The following OR6C74 variants were observed in gnomAD, a reference collection of about 807,000 sequenced individuals.
The protein encoded by OR6C74 is olfactory receptor 6C74.
For synonymous variants in OR6C74, 142 were observed against 134.2 expected (o/e 1.06, Z -0.40); for missense variants, 361 against 362.9 (o/e 0.99, Z 0.04).
Position 55,253,666 on chromosome 12 carries a change from G to T in OR6C74, c.*5440G>T, listed in dbSNP as rs1954324984. 6.6e-6 allele frequency among the ~76,000 whole-genome samples: 1 copy of T among 152,052 alleles called. No homozygotes were observed. Among genetic ancestry groups the T allele is most frequent in the Non-Finnish European group, 1.5e-5 (1 of 67,964 alleles). ...TTTATAGTCATTGTAATTAAGCTTAGCTCAGAAATGAGGTGGAATAACCTC... is the reference window on the plus strand; with the variant it reads ...TTTATAGTCATTGTAATTAAGCTTATCTCAGAAATGAGGTGGAATAACCTC... On this transcript the variant is annotated 3_prime_UTR_variant, in exon 2 of 2. Coordinates refer to ENST00000343399, the MANE Select transcript of OR6C74 (RefSeq NM_001005490.2).
Position 55,248,753 on chromosome 12 carries a change from G to T in OR6C74, c.*527G>T, listed in dbSNP as rs1452630503. 6.6e-6 allele frequency among the ~76,000 whole-genome samples: 1 copy of T among 152,144 alleles called. No homozygotes were observed. The highest frequency in any genetic ancestry group is 2.1e-4 in the South Asian group (1 of 4,818). On this transcript the variant is annotated 3_prime_UTR_variant, in exon 2 of 2. Transcript: ENST00000343399. ...CTTCAATTTTTTTTAACCAGGCTTA[G>T]AGATATAGTATACTCTCAGAAATAA... is the stretch of plus-strand genomic sequence containing the variant.
intron 1 of OR6C74, among the ~76,000 whole-genome samples, chr12:55,245,634 G>C (rs1054444333): frequency 6.6e-6 from 1 of 152,026 alleles, no homozygotes; most frequent in African/African-American, 2.4e-5. Context: ...GAAAATTAAT[G>C]CTGTCAAGTA....
Position 55,247,736 on chromosome 12 carries a change from G to T in OR6C74, c.449G>T (p.Gly150Val). The T allele has an allele frequency of 6.2e-7, 1 of 1,613,826 alleles. No homozygotes were observed. The highest frequency in any genetic ancestry group is 1.1e-5 in the South Asian group (1 of 91,058). The change falls in exon 2 of 2, where the codon GGC becomes GTC. Residue 150 changes from glycine to valine, a missense_variant. Gly to Val is a moderately radical substitution (Grantham distance 109). Coordinates refer to ENST00000343399, the MANE Select transcript of OR6C74 (RefSeq NM_001005490.2). ...CTGGTCTTTGCTTCATGGATGGCTG[G>T]CTTCCTAATAATTTTTCCGCCACTC... ...SLLVFASWMA[G>V]FLIIFPPLLM...
rs1954307612 is a variant in OR6C74 at position 55,250,853 on chromosome 12, T to C, written c.*2627T>C. ...ACTAAAAGTAATGGTGAAATCACAA[T>C]TCCTTTTGTACCAACCTAATATATA... On this transcript the variant is annotated 3_prime_UTR_variant, in exon 2 of 2. Transcript: ENST00000343399. Among the ~76,000 whole-genome samples, 1 of 152,052 alleles carries C rather than the reference T, an allele frequency of 6.6e-6. No individual in the cohort carries two copies. Among genetic ancestry groups the C allele is most frequent in the Non-Finnish European group, 1.5e-5 (1 of 67,986 alleles).
At position 55,248,122 on chromosome 12, in the gene OR6C74, GT is replaced by G; in HGVS notation, c.837del (p.Ala280ProfsTer4). 6.2e-7 allele frequency: 1 copy of G among 1,613,848 alleles called. No individual in the cohort carries two copies. The highest frequency in any genetic ancestry group is 1.1e-5 in the South Asian group (1 of 91,078). ...NKGIALLSTS[V>X]APMLNPFIYT... is the part of the protein sequence containing the mutation. Reference sequence around the variant, plus strand: ...AGGGATAGCTCTGCTCAGCACTTCTGTTGCCCCCATGTTGAATCCCTTTATT... The same window carrying G: ...AGGGATAGCTCTGCTCAGCACTTCTGTGCCCCCATGTTGAATCCCTTTATT... On this transcript the variant is annotated frameshift_variant, in exon 2 of 2. Transcript: ENST00000343399. LOFTEE classifies it low-confidence loss of function (END_TRUNC).
chr12:55,256,087 A>G lies in OR6C74; in HGVS notation c.*7861A>G, dbSNP rs184745940. 4.6e-5 allele frequency among the ~76,000 whole-genome samples: 7 copies of G among 152,246 alleles called. No individual in the cohort carries two copies. The highest frequency in any genetic ancestry group is 4.6e-4 in the Admixed American group (7 of 15,284). ...TGCAGGATTGTGTAAAGACAATGCC[A>G]GGTTGGACTGCCAGAATGAGCCAAC... is the stretch of plus-strand genomic sequence containing the variant. On this transcript the variant is annotated 3_prime_UTR_variant, in exon 2 of 2. Transcript: ENST00000343399.
At position 55,252,493 on chromosome 12, in the gene OR6C74, A is replaced by G. The variant is rs1171763198; in HGVS notation, c.*4267A>G. Among the ~76,000 whole-genome samples, 6 of 152,048 alleles carry G rather than the reference A, an allele frequency of 3.9e-5. No individual in the cohort carries two copies. ...TTATGTAATTTTCTAAAAGCACACA[A>G]ATGTTTTAAAATATTAAAATGATTA... is the stretch of plus-strand genomic sequence containing the variant. On this transcript the variant is annotated 3_prime_UTR_variant, in exon 2 of 2. Transcript: ENST00000343399.
At position 55,251,419 on chromosome 12, in the gene OR6C74, T is replaced by A. The variant is rs1419532505; in HGVS notation, c.*3193T>A. Among the ~76,000 whole-genome samples, 1 of 152,070 alleles carries A rather than the reference T, an allele frequency of 6.6e-6. No individual in the cohort carries two copies. Among genetic ancestry groups the A allele is most frequent in the Non-Finnish European group, 1.5e-5 (1 of 67,964 alleles). On this transcript the variant is annotated 3_prime_UTR_variant, in exon 2 of 2. Transcript: ENST00000343399. ...ACGAACTCTAAATCTCATAGTTTTC[T>A]ACATTCTCTTCATCCAAGCCGGTGC...
chr12:55,253,426 G>A lies in OR6C74; in HGVS notation c.*5200G>A, dbSNP rs543658474. ...GGCACTAGCTTTGAAGCTTTTCCAA[G>A]GATATAATGATGCTGTCTGTTTATT... On this transcript the variant is annotated 3_prime_UTR_variant, in exon 2 of 2. Transcript: ENST00000343399. Among the ~76,000 whole-genome samples the A allele has an allele frequency of 1.8e-4, 27 of 152,128 alleles. No individual in the cohort carries two copies. The South Asian group carries it at 4.1e-3, about 23-fold the overall frequency.
rs1307361465 is a variant in OR6C74, at chr12:55,250,573, T to A, written c.*2347T>A. ...TTAATTTGAAATAAATCACTAGCAA[T>A]CTGATTTATTGTGTAAATACCAGAG... is the stretch of plus-strand genomic sequence containing the variant. On this transcript the variant is annotated 3_prime_UTR_variant, in exon 2 of 2. Coordinates refer to ENST00000343399, the MANE Select transcript of OR6C74 (RefSeq NM_001005490.2). Among the ~76,000 whole-genome samples, 1 of 152,110 alleles carries A rather than the reference T, an allele frequency of 6.6e-6. No individual in the cohort carries two copies. Among genetic ancestry groups the A allele is most frequent in the African/African-American group, 2.4e-5 (1 of 41,424 alleles).
chr12:55,256,307 C>G lies in OR6C74; in HGVS notation c.*8081C>G, dbSNP rs567977838. 2.0e-3 allele frequency among the ~76,000 whole-genome samples: 302 copies of G among 152,152 alleles called. 1 individual carries two copies. The highest frequency in any genetic ancestry group is 0.017 in the Middle Eastern group (5 of 294). ...CATATGGATAAGATAGGGCTATAAA[C>G]GCCCTCATCTTGCCACAGCTCTTCT... On this transcript the variant is annotated 3_prime_UTR_variant, in exon 2 of 2. Transcript: ENST00000343399.
At chr12:55,245,164 C>T (rs1954262861) in intron 1 of OR6C74, among the ~76,000 whole-genome samples, 1 of 151,968 alleles carries the variant, frequency 6.6e-6, no homozygotes, top group Non-Finnish European at 1.5e-5. Flanking sequence ...ACAAAGCAAA[C>T]ATTAAGCTAA....
In OR6C74 at chr12:55,255,677, A is replaced by C. The variant is rs1044885668; in HGVS notation, c.*7451A>C. ...GACATGGATGATGCTGGAAACTATC[A>C]TTCTCAGCAAACTAACACAAGAACA... On this transcript the variant is annotated 3_prime_UTR_variant, in exon 2 of 2. Transcript: ENST00000343399. Among the ~76,000 whole-genome samples, 1 of 152,170 alleles carries C rather than the reference A, an allele frequency of 6.6e-6. No homozygotes were observed. Among genetic ancestry groups the C allele is most frequent in the African/African-American group, 2.4e-5 (1 of 41,448 alleles).
chr12:55,251,439 C>T lies in OR6C74; in HGVS notation c.*3213C>T, dbSNP rs181200135. 1.1e-4 allele frequency among the ~76,000 whole-genome samples: 17 copies of T among 151,894 alleles called. No individual in the cohort carries two copies. Among genetic ancestry groups the T allele is most frequent in the East Asian group, 3.9e-4 (2 of 5,160 alleles). On this transcript the variant is annotated 3_prime_UTR_variant, in exon 2 of 2. Coordinates refer to ENST00000343399, the MANE Select transcript of OR6C74 (RefSeq NM_001005490.2). ...TTTTCTACATTCTCTTCATCCAAGC[C>T]GGTGCCTAGTAAGGAATAAATAAAA...
chr12:55,250,455 G>T lies in OR6C74; in HGVS notation c.*2229G>T, dbSNP rs975193704. On this transcript the variant is annotated 3_prime_UTR_variant, in exon 2 of 2. Coordinates refer to ENST00000343399, the MANE Select transcript of OR6C74 (RefSeq NM_001005490.2). Reference sequence around the variant, plus strand: ...ATAGATGGATTTTTTTCTATTTCTAGGTTGTTTGTAAGTAGATAACAGAAA... The same window carrying T: ...ATAGATGGATTTTTTTCTATTTCTATGTTGTTTGTAAGTAGATAACAGAAA... Among the ~76,000 whole-genome samples the T allele has an allele frequency of 6.6e-6, 1 of 151,848 alleles. No individual in the cohort carries two copies. The highest frequency in any genetic ancestry group is 1.5e-5 in the Non-Finnish European group (1 of 67,938).
chr12:55,247,703 G>T lies in OR6C74; in HGVS notation c.416G>T (p.Cys139Phe). 1 of 1,614,004 alleles carries T rather than the reference G, an allele frequency of 6.2e-7. No homozygotes were observed. The highest frequency in any genetic ancestry group is 8.5e-7 in the Non-Finnish European group (1 of 1,180,006). ...ACCACCATCATGAGCAGCAGAGTTTGCAGCTTGCTGGTCTTTGCTTCATGG... is the reference window on the plus strand; with the variant it reads ...ACCACCATCATGAGCAGCAGAGTTTTCAGCTTGCTGGTCTTTGCTTCATGG... ...HYTTIMSSRV[C>F]SLLVFASWMA... The change falls in exon 2 of 2, where the codon TGC becomes TTC. Residue 139 changes from cysteine (C) to phenylalanine (F), a missense_variant. Transcript: ENST00000343399.
At position 55,256,128 on chromosome 12, in the gene OR6C74, T is replaced by A. The variant is rs189464053; in HGVS notation, c.*7902T>A. On this transcript the variant is annotated 3_prime_UTR_variant, in exon 2 of 2. Coordinates refer to ENST00000343399, the MANE Select transcript of OR6C74 (RefSeq NM_001005490.2). ...ATGAGCCAACAGCACATGATGTGCT[T>A]CCCCCTGCAGAGAGCCTACGAACGG... Among the ~76,000 whole-genome samples the A allele has an allele frequency of 6.6e-5, 10 of 152,168 alleles. No homozygotes were observed. The highest frequency in any genetic ancestry group is 5.2e-4 in the Admixed American group (8 of 15,272).
rs1954310924 is a variant in OR6C74 at position 55,251,502 on chromosome 12, A to C, written c.*3276A>C. On this transcript the variant is annotated 3_prime_UTR_variant, in exon 2 of 2. Transcript: ENST00000343399. ...CAAATGACAGGAGATGAGTGAAGTTAATATGTTCATCTATAAAATAAGATT... is the reference window on the plus strand; with the variant it reads ...CAAATGACAGGAGATGAGTGAAGTTCATATGTTCATCTATAAAATAAGATT... Among the ~76,000 whole-genome samples, 1 of 152,060 alleles carries C rather than the reference A, an allele frequency of 6.6e-6. No homozygotes were observed. The highest frequency in any genetic ancestry group is 2.4e-5 in the African/African-American group (1 of 41,446).
In OR6C74 at chr12:55,247,314, CTT is replaced by C; in HGVS notation, c.29_30del (p.Phe10TyrfsTer8). The C allele has an allele frequency of 1.2e-6, 2 of 1,606,526 alleles. No homozygotes were observed. Among genetic ancestry groups the C allele is most frequent in the Non-Finnish European group, 1.7e-6 (2 of 1,174,924 alleles). On this transcript the variant is annotated frameshift_variant, in exon 2 of 2. Coordinates refer to ENST00000343399, the MANE Select transcript of OR6C74 (RefSeq NM_001005490.2). LOFTEE classifies it low-confidence loss of function (END_TRUNC). ...TGAGAAACCATACAACAGTAGCAAACTTTATTCTTCTTGGACTGACAGATGAT... is the reference window on the plus strand; with the variant it reads ...TGAGAAACCATACAACAGTAGCAAACTATTCTTCTTGGACTGACAGATGAT... Reference protein sequence around the residue: MRNHTTVANFILLGLTDDPQ... With the variant: MRNHTTVANXILLGLTDDPQ...
Sources: allele counts gnomAD v4.1 joint callset (sites outside exome capture counted in the v4.1 genomes callset), GRCh38; gene constraint gnomAD v4.1.1; transcripts MANE v1.5; gene names NCBI Gene and HGNC (gene_info 2026-07-23, HGNC 2026-07-21).